The following GALK2 variants were observed in gnomAD, a reference collection of about 807,000 sequenced individuals.
The protein encoded by GALK2 is galactokinase 2, also known as N-acetylgalactosamine kinase.
In GALK2, 36 loss-of-function variants were observed where a neutral mutation model predicts 52.4. The ratio of observed to expected loss-of-function variants is 0.69; its 90% CI spans 0.53 to 0.91. The LOEUF (loss-of-function observed/expected upper bound fraction) is 0.91. GALK2 is among the 40% of genes least tolerant of loss of function. The pLI is 0.00. For synonymous variants in GALK2, 176 were observed against 199.1 expected (o/e 0.88, Z 0.98); for missense variants, 579 against 559.1 (o/e 1.04, Z -0.36).
chr15:49,191,354 A>G (rs567446142), intron 1 of GALK2, among the ~76,000 whole-genome samples: 1 of 152,108 alleles, frequency 6.6e-6, no homozygotes, highest in Non-Finnish European at 1.5e-5. Context: ...TTTCTTGGAA[A>G]GTCAGATAAC....
intron 5 of GALK2, among the ~76,000 whole-genome samples, chr15:49,261,998 A>G (rs1595876994): frequency 1.3e-5 from 2 of 152,190 alleles, no homozygotes; most frequent in Non-Finnish European, 2.9e-5. Context: ...TTTTGCATCA[A>G]TGTTCTTCAA....
At chr15:49,258,777 CATATATAT>C (rs144138275) in intron 5 of GALK2, among the ~76,000 whole-genome samples, 6 of 134,590 alleles carry the variant, frequency 4.5e-5, no homozygotes, top group African/African-American at 1.7e-4. Flanking sequence ...TATTTGGAAG[CATATATAT>C]ATATATATAT....
chr15:49,205,199 C>T lies in GALK2; in HGVS notation c.142+3949C>T, dbSNP rs1395218928. ...GTGCCACTATAAACATGCGCGTGCA[C>T]ATATCTTTTTCAAATAATGACTTCT... On this transcript the variant is annotated intron_variant, in intron 2 of 9. Coordinates refer to ENST00000560031, the MANE Select transcript of GALK2 (RefSeq NM_002044.4). Among the ~76,000 whole-genome samples the T allele has an allele frequency of 2.0e-5, 3 of 152,102 alleles. No homozygotes were observed. In the East Asian group the frequency reaches 5.8e-4, roughly 29 times the overall value.
intron 3 of GALK2, among the ~76,000 whole-genome samples, chr15:49,361,282 G>A (rs2044193775): frequency 6.6e-6 from 1 of 152,036 alleles, no homozygotes. Context: ...GGGTACATGT[G>A]GAGGTTTGTT....
intron 1 of GALK2, among the ~76,000 whole-genome samples, chr15:49,198,115 A>C (rs1484570094): frequency 6.6e-6 from 1 of 152,194 alleles, no homozygotes; most frequent in Non-Finnish European, 1.5e-5. Flanking sequence ...ATTACTAACT[A>C]TCCTGACACA....
chr15:49,354,388 C>T (rs913752741), intron 3 of GALK2, among the ~76,000 whole-genome samples: 38 of 152,202 alleles, frequency 2.5e-4, no homozygotes, highest in East Asian at 1.6e-3. Flanking sequence ...AGTGGGTGCG[C>T]GCACCGTGCG....
At chr15:49,184,459 T>G in intron 1 of GALK2, among the ~76,000 whole-genome samples, 1 of 152,226 alleles carries the variant, frequency 6.6e-6, no homozygotes, top group East Asian at 1.9e-4. Context: ...ACTGGAGAGC[T>G]GAGTCCATTT....
chr15:49,289,326 T>C (rs1595978314), intron 7 of GALK2, among the ~76,000 whole-genome samples: 1 of 152,138 alleles, frequency 6.6e-6, no homozygotes. Flanking sequence ...CAAGGTGCAA[T>C]GGTTGGTGAA....
chr15:49,226,441 G>A (rs759658008), intron 3 of GALK2, among the ~76,000 whole-genome samples: 38 of 152,094 alleles, frequency 2.5e-4, no homozygotes, highest in Non-Finnish European at 4.0e-4. Flanking sequence ...TCTAAGATTT[G>A]CTCAAAGTTT....
chr15:49,272,287 C>T (rs916639740), intron 5 of GALK2, among the ~76,000 whole-genome samples: 1 of 152,194 alleles, frequency 6.6e-6, no homozygotes, highest in Non-Finnish European at 1.5e-5. Flanking sequence ...AAATACCCTG[C>T]ACAGTGTCTA....
chr15:49,192,502 T>TATAC (rs1555400574), intron 1 of GALK2, among the ~76,000 whole-genome samples: 1 of 135,320 alleles, frequency 7.4e-6, no homozygotes, highest in South Asian at 2.3e-4. Context: ...TATATATATA[T>TATAC]ATATATATAT....
intron 1 of GALK2, among the ~76,000 whole-genome samples, chr15:49,177,278 A>G (rs1490943651): frequency 2.0e-5 from 3 of 151,990 alleles, no homozygotes; most frequent in South Asian, 2.1e-4. Flanking sequence ...TGTTATATGC[A>G]TACTTTATTT....
chr15:49,193,768 C>T (rs1205876186), intron 1 of GALK2: 4 of 150,770 alleles, frequency 2.7e-5, no homozygotes, highest in African/African-American at 7.3e-5. Context: ...CATTCTGTTG[C>T]CCAGGCTGGA....
chr15:49,165,694 T>C (rs1329096508), upstream of GALK2, among the ~76,000 whole-genome samples: 2 of 152,100 alleles, frequency 1.3e-5, no homozygotes, highest in African/African-American at 2.4e-5. Flanking sequence ...AAATTTAACA[T>C]TTCTTTTTAT....
chr15:49,167,963 T>C (rs1356670304), upstream of GALK2, among the ~76,000 whole-genome samples: 1 of 152,204 alleles, frequency 6.6e-6, no homozygotes, highest in Non-Finnish European at 1.5e-5. Flanking sequence ...AGGATTCTAA[T>C]CATTTCAATA....
chr15:49,308,261 A>G (rs913798700), intron 8 of GALK2, among the ~76,000 whole-genome samples: 1 of 152,184 alleles, frequency 6.6e-6, no homozygotes, highest in Admixed American at 6.5e-5. Context: ...TTGGAAACCA[A>G]CTTTTGGTTT....
chr15:49,315,230 A>G (rs1266099636), intron 8 of GALK2, among the ~76,000 whole-genome samples: 2 of 152,226 alleles, frequency 1.3e-5, no homozygotes, highest in African/African-American at 4.8e-5. Context: ...GCCATTAACA[A>G]TATTGGAGGA....
At chr15:49,354,762 T>C (rs1667588645) in intron 3 of GALK2, among the ~76,000 whole-genome samples, 1 of 152,034 alleles carries the variant, frequency 6.6e-6, no homozygotes, top group East Asian at 1.9e-4. Context: ...CCTGCCTGCC[T>C]CTGTAGGCTC....
chr15:49,338,421 A>G (rs571035992), intron 3 of GALK2, among the ~76,000 whole-genome samples: 1 of 152,158 alleles, frequency 6.6e-6, no homozygotes, highest in African/African-American at 2.4e-5. Context: ...CTGGGTTGAA[A>G]ATTCTTTTCT....
Sources: allele counts gnomAD v4.1 joint callset (sites outside exome capture counted in the v4.1 genomes callset), GRCh38; gene constraint gnomAD v4.1.1; transcripts MANE v1.5; gene names NCBI Gene and HGNC (gene_info 2026-07-23, HGNC 2026-07-21).